The following RNF216 variants were observed in gnomAD, a reference collection of about 807,000 sequenced individuals.
RNF216 encodes ring finger protein 216.
A neutral mutation model predicts 110.8 loss-of-function variants in RNF216; 72 were observed. The ratio of observed to expected loss-of-function variants is 0.65; its 90% CI spans 0.54 to 0.79. RNF216 has a LOEUF of 0.79. Among genes scored for constraint, RNF216 ranks in the 30% least tolerant of loss-of-function variants. RNF216 has a pLI of 0.00. For synonymous variants in RNF216, 495 were observed against 407.5 expected, an observed-to-expected ratio of 1.21 and a Z score of -2.59; for missense variants, 1,342 against 1,141.2, an observed-to-expected ratio of 1.18 and a Z score of -2.54.
intron 15 of RNF216, among the ~76,000 whole-genome samples, chr7:5,635,144 G>C (rs142975956): frequency 0.012 from 1,795 of 152,282 alleles, 33 homozygotes; most frequent in African/African-American, 0.04. Context: ...AAATAGGAAA[G>C]CACTGCCTCC....
In RNF216 at chr7:5,622,027, G is replaced by A. The variant is rs961732917; in HGVS notation, c.*833C>T. 6.6e-6 allele frequency: 1 copy of A among 152,418 alleles called. No individual in the cohort carries two copies. Among genetic ancestry groups the A allele is most frequent in the East Asian group, 1.9e-4 (1 of 5,188 alleles). 9.4% of individuals were successfully genotyped at this position (152,418 alleles called of 1,614,324 possible). A position where few individuals can be genotyped will look rare whatever the true frequency, so the allele number is the denominator to read the frequency against. The stretch of plus-strand genomic sequence containing the variant: ...TCCCCCAGAAAGCCAGGGGGGAAAA[G>A]CTGCTCATCACCCAGGGTGGCAGAA... On this transcript the variant is annotated 3_prime_UTR_variant, in exon 17 of 17. Coordinates refer to ENST00000389902, the MANE Select transcript of RNF216 (RefSeq NM_207111.4).
intron 5 of RNF216, among the ~76,000 whole-genome samples, chr7:5,736,786 G>A (rs956386819): frequency 6.6e-6 from 1 of 151,888 alleles, no homozygotes; most frequent in Non-Finnish European, 1.5e-5. Flanking sequence ...CATCTGGGAG[G>A]TGAGCAGCGT....
intron 1 of RNF216, among the ~76,000 whole-genome samples, chr7:5,773,230 T>A (rs1461182379): frequency 6.6e-6 from 1 of 152,102 alleles, no homozygotes; most frequent in African/African-American, 2.4e-5. Flanking sequence ...CAAGTCCTTT[T>A]TTTTCCCCAA....
At chr7:5,709,144 G>A (rs1205581371) in intron 13 of RNF216, among the ~76,000 whole-genome samples, 1 of 152,128 alleles carries the variant, frequency 6.6e-6, no homozygotes, top group Admixed American at 6.5e-5. Flanking sequence ...GAGTCAGTAC[G>A]TGCTAGTTTC....
At chr7:5,657,661 A>T (rs938269009) in intron 13 of RNF216, among the ~76,000 whole-genome samples, 4 of 152,198 alleles carry the variant, frequency 2.6e-5, no homozygotes, top group Admixed American at 1.3e-4. Context: ...GCAAATGCTC[A>T]GCCAGGGACC....
chr7:5,689,690 C>T (rs887523035), intron 13 of RNF216, among the ~76,000 whole-genome samples: 1 of 152,090 alleles, frequency 6.6e-6, no homozygotes, highest in East Asian at 1.9e-4. Flanking sequence ...TGGTGGCTCA[C>T]GCCTGTAATC....
chr7:5,678,788 C>T (rs534553775), intron 13 of RNF216, among the ~76,000 whole-genome samples: 29 of 152,192 alleles, frequency 1.9e-4, no homozygotes, highest in Non-Finnish European at 3.2e-4. Context: ...CAGAAGGTGA[C>T]GGAGCAGATT....
intron 1 of RNF216, among the ~76,000 whole-genome samples, chr7:5,767,394 G>A (rs1462377615): frequency 6.6e-6 from 1 of 152,118 alleles, no homozygotes; most frequent in African/African-American, 2.4e-5. Context: ...GTTTGGGGCT[G>A]CCAAAGTAGC....
chr7:5,740,868 T>C, intron 4 of RNF216, 105 bp downstream of exon 4: 1 of 1,031,458 alleles, frequency 9.7e-7, no homozygotes, highest in Non-Finnish European at 1.4e-6. Context: ...CTTAGGAAAA[T>C]GAAGTCCACG....
At chr7:5,671,889 G>C (rs1031525672) in intron 13 of RNF216, among the ~76,000 whole-genome samples, 3 of 149,712 alleles carry the variant, frequency 2.0e-5, no homozygotes, top group African/African-American at 5.0e-5. Flanking sequence ...ACAGCACGAA[G>C]ACAGTCCTCT....
At chr7:5,699,125 G>A (rs1319833598) in intron 13 of RNF216, among the ~76,000 whole-genome samples, 1 of 152,106 alleles carries the variant, frequency 6.6e-6, no homozygotes, top group African/African-American at 2.4e-5. Flanking sequence ...CCATTATCGT[G>A]TTTAATAATG....
chr7:5,713,774 C>A (rs921075121), intron 11 of RNF216, among the ~76,000 whole-genome samples: 1 of 152,178 alleles, frequency 6.6e-6, no homozygotes, highest in Non-Finnish European at 1.5e-5. Context: ...AAATAACTAG[C>A]TAAAATTTAT....
At chr7:5,678,182 G>C (rs1014616383) in intron 13 of RNF216, among the ~76,000 whole-genome samples, 1 of 152,114 alleles carries the variant, frequency 6.6e-6, no homozygotes, top group Non-Finnish European at 1.5e-5. Flanking sequence ...GTTTACTTCT[G>C]AGGCTCTGGG....
chr7:5,725,214 C>A, intron 8 of RNF216, 110 bp downstream of exon 8: 1 of 664,528 alleles, frequency 1.5e-6, no homozygotes, highest in South Asian at 1.9e-5. Context: ...CTTGGACTGG[C>A]CTGTCCAGAT....
chr7:5,684,782 C>A (rs1474148562), intron 13 of RNF216, among the ~76,000 whole-genome samples: 1 of 152,154 alleles, frequency 6.6e-6, no homozygotes, highest in Non-Finnish European at 1.5e-5. Context: ...CAAAACTTTA[C>A]CTTTACAGAG....
chr7:5,672,459 A>G (rs1016308581), intron 13 of RNF216, among the ~76,000 whole-genome samples: 2 of 152,230 alleles, frequency 1.3e-5, no homozygotes, highest in African/African-American at 4.8e-5. Flanking sequence ...GAAACTACAC[A>G]CACATGATGT....
At chr7:5,633,797 T>C (rs1027025042) in intron 15 of RNF216, among the ~76,000 whole-genome samples, 1 of 152,144 alleles carries the variant, frequency 6.6e-6, no homozygotes, top group African/African-American at 2.4e-5. Context: ...GCACCCGGCC[T>C]TTCCAGAAAC....
chr7:5,665,615 G>A (rs1349115946), intron 13 of RNF216, among the ~76,000 whole-genome samples: 1 of 152,044 alleles, frequency 6.6e-6, no homozygotes, highest in Non-Finnish European at 1.5e-5. Context: ...TGCTCTGGGA[G>A]AGACCACACA....
chr7:5,699,541 T>C (rs867347140), intron 13 of RNF216, among the ~76,000 whole-genome samples: 4 of 152,256 alleles, frequency 2.6e-5, no homozygotes, highest in Admixed American at 6.5e-5. Flanking sequence ...CACTAGCTTT[T>C]TGTTGTGTTC....
Sources: gnomAD v4.1 joint callset for allele counts (sites outside exome capture counted in the v4.1 genomes callset) on GRCh38, gnomAD v4.1.1 for gene constraint, MANE v1.5 for transcripts, NCBI Gene and HGNC (gene_info 2026-07-23, HGNC 2026-07-21) for gene names.